Variants in TRAPPC9 observed in about 807,000 individuals in gnomAD.
The protein encoded by TRAPPC9 is IKK2 binding protein.
TRAPPC9 carries 83 observed loss-of-function variants against 124.0 expected under a neutral mutation model. The ratio of observed to expected loss-of-function variants is 0.67; its 90% confidence interval spans 0.56 to 0.80. TRAPPC9 has a LOEUF of 0.80. Ranked by LOEUF, TRAPPC9 falls within the 30% of genes least tolerant of loss-of-function variation. The pLI is 0.00. For missense variants in TRAPPC9, 1,302 were observed against 1,508.3 expected (o/e 0.86, Z 2.27); for synonymous variants, 638 against 617.5 (o/e 1.03, Z -0.49).
chr8:140,253,277 A>G (rs1014431453), intron 15 of TRAPPC9, among the ~76,000 whole-genome samples: 10 of 152,142 alleles, frequency 6.6e-5, no homozygotes, highest in Non-Finnish European at 1.5e-4. Flanking sequence ...ATTTCTCCAC[A>G]ATGAATATTT....
chr8:139,758,100 C>T (rs1334397359), intron 21 of TRAPPC9, among the ~76,000 whole-genome samples: 1 of 152,210 alleles, frequency 6.6e-6, no homozygotes, highest in Non-Finnish European at 1.5e-5. Flanking sequence ...TAATCTTTGT[C>T]TTCTTCCACT....
intron 17 of TRAPPC9, among the ~76,000 whole-genome samples, chr8:140,145,026 G>A (rs138734516): frequency 2.6e-5 from 4 of 151,418 alleles, no homozygotes; most frequent in African/African-American, 7.3e-5. Context: ...ACAGGCGTGT[G>A]CCGTCACACC....
intron 17 of TRAPPC9, among the ~76,000 whole-genome samples, chr8:140,107,020 C>T (rs2060678985): frequency 6.6e-6 from 1 of 152,168 alleles, no homozygotes; most frequent in African/African-American, 2.4e-5. Context: ...CTAAGAACCT[C>T]CAGACATAGA....
At chr8:139,753,317 C>CACCATCCACCCATCCACCCATCT in intron 21 of TRAPPC9, among the ~76,000 whole-genome samples, 1 of 149,996 alleles carries the variant, frequency 6.7e-6, no homozygotes, top group Non-Finnish European at 1.5e-5. Flanking sequence ...TCCATCCATC[C>CACCATCCACCCATCCACCCATCT]ACCATCCACC....
intron 17 of TRAPPC9, among the ~76,000 whole-genome samples, chr8:140,051,116 T>C (rs1014099619): frequency 2.6e-5 from 4 of 152,228 alleles, no homozygotes; most frequent in African/African-American, 7.2e-5. Context: ...GAATGAGTCA[T>C]CAGAGACCAC....
At position 140,257,696 on chromosome 8, in the gene TRAPPC9, T is replaced by C. The variant is rs1223645637; in HGVS notation, c.2279-4767A>G. 2.6e-5 allele frequency among the ~76,000 whole-genome samples: 4 copies of C among 152,188 alleles called. No homozygotes were observed. The highest frequency in any genetic ancestry group is 5.9e-5 in the Non-Finnish European group (4 of 68,038). On this transcript the variant is annotated intron_variant, in intron 15 of 22. Coordinates refer to ENST00000438773, the MANE Select transcript of TRAPPC9 (RefSeq NM_001160372.4). The surrounding 1 kb of genome is among the most constrained non-coding windows in gnomAD (Gnocchi z 4.6). Reference sequence around the variant, plus strand: ...TGGAAATGTCTTCCCCTACCTTCTCTGCCTGGCTGGATTTTCTAGAGCTTT... The same window carrying C: ...TGGAAATGTCTTCCCCTACCTTCTCCGCCTGGCTGGATTTTCTAGAGCTTT...
chr8:139,925,308 G>C (rs1287782026), intron 19 of TRAPPC9, among the ~76,000 whole-genome samples: 1 of 152,212 alleles, frequency 6.6e-6, no homozygotes, highest in African/African-American at 2.4e-5. Context: ...AAAAGGGGTG[G>C]AGTCTTTGTA....
chr8:140,141,430 C>T (rs914963234), intron 17 of TRAPPC9, among the ~76,000 whole-genome samples: 1 of 152,132 alleles, frequency 6.6e-6, no homozygotes, highest in African/African-American at 2.4e-5. Flanking sequence ...AAACCCAGTA[C>T]ACATAAGGTT....
At chr8:140,298,562 G>A (rs2065876062) in intron 11 of TRAPPC9, among the ~76,000 whole-genome samples, 1 of 152,148 alleles carries the variant, frequency 6.6e-6, no homozygotes, top group South Asian at 2.1e-4. Flanking sequence ...TGAGGCAGGA[G>A]GATCAACTGA....
chr8:139,895,631 G>A (rs1396884493), intron 20 of TRAPPC9, among the ~76,000 whole-genome samples: 2 of 152,138 alleles, frequency 1.3e-5, no homozygotes, highest in Non-Finnish European at 2.9e-5. Flanking sequence ...ATTAAATGTT[G>A]AGAGTTCACT....
At chr8:139,842,239 T>TTGC (rs1261598418) in intron 21 of TRAPPC9, among the ~76,000 whole-genome samples, 1 of 152,226 alleles carries the variant, frequency 6.6e-6, no homozygotes, top group African/African-American at 2.4e-5. Flanking sequence ...TCTTGAAATG[T>TTGC]TGCTGCTGCT....
At chr8:140,278,873 T>A (rs2065213362) in intron 14 of TRAPPC9, among the ~76,000 whole-genome samples, 1 of 152,226 alleles carries the variant, frequency 6.6e-6, no homozygotes, top group Non-Finnish European at 1.5e-5. Context: ...CCTGAGAAGT[T>A]CCCTGCAAAG....
intron 9 of TRAPPC9, among the ~76,000 whole-genome samples, chr8:140,348,179 G>T (rs1213457215): frequency 6.6e-6 from 1 of 152,230 alleles, no homozygotes; most frequent in African/African-American, 2.4e-5. Flanking sequence ...GGATAACTGG[G>T]TGACTGTGGG....
chr8:140,398,523 G>A (rs541076254), intron 6 of TRAPPC9, among the ~76,000 whole-genome samples: 1 of 152,338 alleles, frequency 6.6e-6, no homozygotes, highest in East Asian at 1.9e-4. Flanking sequence ...GTTGGGAACT[G>A]GAGCAAAGGT....
At chr8:140,349,371 G>GGGAA (rs2067467328) in intron 9 of TRAPPC9, among the ~76,000 whole-genome samples, 1 of 102,862 alleles carries the variant, frequency 9.7e-6, no homozygotes, top group Non-Finnish European at 2.3e-5. Context: ...GGGCGCGCGA[G>GGGAA]GGAAGGGCAC....
At chr8:139,982,415 G>A (rs1005675111) in intron 19 of TRAPPC9, among the ~76,000 whole-genome samples, 2 of 152,242 alleles carry the variant, frequency 1.3e-5, no homozygotes, top group Admixed American at 1.3e-4. Context: ...TGAGTGCAAA[G>A]CCCACTCCCT....
intron 17 of TRAPPC9, among the ~76,000 whole-genome samples, chr8:140,198,830 T>C (rs949809290): frequency 2.0e-5 from 3 of 152,180 alleles, no homozygotes; most frequent in Non-Finnish European, 2.9e-5. Context: ...ATGTCTCTCC[T>C]CTGGTAGTCT....
intron 20 of TRAPPC9, among the ~76,000 whole-genome samples, chr8:139,893,628 G>A (rs956442699): frequency 2.0e-5 from 3 of 152,256 alleles, no homozygotes; most frequent in African/African-American, 7.2e-5. Flanking sequence ...CTGCATGAAT[G>A]TAGGCATAAA....
At chr8:139,860,874 C>T (rs1828092899) in intron 21 of TRAPPC9, among the ~76,000 whole-genome samples, 1 of 152,222 alleles carries the variant, frequency 6.6e-6, no homozygotes, top group African/African-American at 2.4e-5. Context: ...AGCTCTGCAC[C>T]CTCACCTTCA....
Sources: allele counts gnomAD v4.1 joint callset (sites outside exome capture counted in the v4.1 genomes callset), GRCh38; gene constraint gnomAD v4.1.1; non-coding constraint Gnocchi (gnomAD v3.1); transcripts MANE v1.5; gene names NCBI Gene and HGNC (gene_info 2026-07-23, HGNC 2026-07-21).